Variants in ARID1B observed in about 807,000 individuals in gnomAD.
The protein encoded by ARID1B is AT-rich interactive domain-containing protein 1B.
Under a neutral mutation model 212.3 loss-of-function variants are expected in ARID1B, and 30 were observed. The ratio of observed to expected loss-of-function variants is 0.14; its 90% CI spans 0.11 to 0.19. The LOEUF is 0.19. ARID1B is among the 10% of genes least tolerant of loss of function. The probability of loss-of-function intolerance (pLI) is 1.00; values close to 1 mark genes in which losing one functional copy is unlikely to be tolerated. For missense variants in ARID1B, 2,891 were observed against 3,204.0 expected (o/e 0.90, Z 2.36); for synonymous variants, 1,402 against 1,301.7 (o/e 1.08, Z -1.66).
intron 4 of ARID1B, among the ~76,000 whole-genome samples, chr6:157,016,732 G>C (rs952208131): frequency 1.3e-5 from 2 of 152,170 alleles, no homozygotes; most frequent in Non-Finnish European, 2.9e-5. Flanking sequence ...ACCCAAACTG[G>C]AATACTTGGG....
chr6:156,991,797 A>C (rs1019709012), intron 4 of ARID1B, among the ~76,000 whole-genome samples: 4 of 152,208 alleles, frequency 2.6e-5, no homozygotes, highest in African/African-American at 9.6e-5. Flanking sequence ...TCAGTATTTC[A>C]AAAGTTCTAT....
At chr6:157,098,433 G>T (rs992490112) in intron 5 of ARID1B, among the ~76,000 whole-genome samples, 1 of 152,166 alleles carries the variant, frequency 6.6e-6, no homozygotes, top group African/African-American at 2.4e-5. Context: ...TTTTCACGTG[G>T]CCCAGTAGAC....
At chr6:157,121,629 C>CTTTTTT (rs1389687982) in intron 6 of ARID1B, among the ~76,000 whole-genome samples, 24 of 112,926 alleles carry the variant, frequency 2.1e-4, no homozygotes, top group African/African-American at 2.9e-4. Flanking sequence ...TCATATATAG[C>CTTTTTT]TTTTTTTTTT....
In ARID1B at chr6:156,981,108, C is replaced by T. The variant is rs369694298; in HGVS notation, c.2247+45532C>T. Among the ~76,000 whole-genome samples the T allele has an allele frequency of 1.2e-4, 18 of 152,322 alleles. No homozygotes were observed. In the East Asian group the frequency reaches 3.5e-3, roughly 29 times the overall value. On this transcript the variant is annotated intron_variant, in intron 4 of 19. Transcript: ENST00000636930. ...TCTTGAGACTTGTAGCCACTGTCCTCCCTTGTCTACTTCTGAGGGTGAGCA... is the reference window on the plus strand; with the variant it reads ...TCTTGAGACTTGTAGCCACTGTCCTTCCTTGTCTACTTCTGAGGGTGAGCA...
chr6:156,828,062 C>CTTTT (rs538099082), intron 1 of ARID1B, among the ~76,000 whole-genome samples: 7 of 123,776 alleles, frequency 5.7e-5, no homozygotes, highest in Non-Finnish European at 8.3e-5. Flanking sequence ...TGCCCGGCCT[C>CTTTT]TTTTTTTTTT....
chr6:157,067,662 T>C (rs1783754508), intron 4 of ARID1B, among the ~76,000 whole-genome samples: 1 of 152,242 alleles, frequency 6.6e-6, no homozygotes, highest in South Asian at 2.1e-4. Context: ...TTGTCTGCTT[T>C]CCTTGCATTT....
intron 8 of ARID1B, among the ~76,000 whole-genome samples, chr6:157,159,331 T>C (rs535365989): frequency 6.6e-6 from 1 of 152,320 alleles, no homozygotes; most frequent in African/African-American, 2.4e-5. Flanking sequence ...GACAACACCA[T>C]GTTTGCATTT....
At chr6:157,128,365 A>C (rs890343177) in intron 6 of ARID1B, among the ~76,000 whole-genome samples, 2 of 151,966 alleles carry the variant, frequency 1.3e-5, no homozygotes, top group Admixed American at 6.6e-5. Flanking sequence ...TCCTTTCTTC[A>C]TGATGCTTAT....
At chr6:156,819,041 A>G (rs1333689811) in intron 1 of ARID1B, among the ~76,000 whole-genome samples, 1 of 152,202 alleles carries the variant, frequency 6.6e-6, no homozygotes, top group Admixed American at 6.5e-5. Flanking sequence ...TTGTGTACAG[A>G]TCCATTAACT....
chr6:156,988,497 C>T (rs1238506255), intron 4 of ARID1B, among the ~76,000 whole-genome samples: 2 of 152,108 alleles, frequency 1.3e-5, no homozygotes, highest in Admixed American at 6.5e-5. Flanking sequence ...TTCTCCTGGC[C>T]ACTCCTTCCA....
At chr6:157,130,377 G>A (rs1788466992) in intron 6 of ARID1B, among the ~76,000 whole-genome samples, 1 of 152,114 alleles carries the variant, frequency 6.6e-6, no homozygotes, top group South Asian at 2.1e-4. Flanking sequence ...TTATTAAACA[G>A]GACTCTATCT....
chr6:157,024,355 T>A (rs1338872706), intron 4 of ARID1B: 2 of 152,276 alleles, frequency 1.3e-5, no homozygotes, highest in Non-Finnish European at 1.5e-5. Context: ...GAAACCTCAT[T>A]TTTGTTTAAA....
intron 7 of ARID1B, among the ~76,000 whole-genome samples, chr6:157,136,498 A>G (rs1788917152): frequency 6.6e-6 from 1 of 152,202 alleles, no homozygotes; most frequent in Non-Finnish European, 1.5e-5. Flanking sequence ...GTAAGCCACT[A>G]GGGATATAAA....
chr6:157,159,436 G>A (rs150147490), intron 8 of ARID1B, among the ~76,000 whole-genome samples: 14 of 152,310 alleles, frequency 9.2e-5, no homozygotes, highest in African/African-American at 2.9e-4. Flanking sequence ...AGATCAGTGA[G>A]CTGCTTTAGG....
At chr6:157,163,615 C>T (rs1024681400) in intron 8 of ARID1B, among the ~76,000 whole-genome samples, 4 of 152,206 alleles carry the variant, frequency 2.6e-5, no homozygotes, top group Non-Finnish European at 5.9e-5. Context: ...TGGGAGGACT[C>T]ACTTCCTGCC....
chr6:157,166,063 T>A (rs1276893186), intron 8 of ARID1B: 1 of 152,166 alleles, frequency 6.6e-6, no homozygotes, highest in Non-Finnish European at 1.5e-5. Flanking sequence ...TTGAAAAATT[T>A]TTTAAAGGTA....
chr6:156,962,784 ATTTC>A (rs1228205429), intron 4 of ARID1B, among the ~76,000 whole-genome samples: 4 of 145,100 alleles, frequency 2.8e-5, no homozygotes, highest in Non-Finnish European at 6.0e-5. Context: ...CACCTGGCCG[ATTTC>A]TTTCTTTCTT....
At chr6:156,897,016 C>T (rs1045389918) in intron 2 of ARID1B, among the ~76,000 whole-genome samples, 3 of 152,074 alleles carry the variant, frequency 2.0e-5, no homozygotes, top group Non-Finnish European at 2.9e-5. Context: ...GCATATTTAA[C>T]GTGATACAGA....
intron 4 of ARID1B, among the ~76,000 whole-genome samples, chr6:156,975,743 AT>A (rs1269510566): frequency 6.7e-6 from 1 of 148,654 alleles, no homozygotes; most frequent in African/African-American, 2.5e-5. Flanking sequence ...TCCTTTTAAG[AT>A]TTTTCTCCTC....
Sources: gnomAD v4.1 joint callset for allele counts (sites outside exome capture counted in the v4.1 genomes callset) on GRCh38, gnomAD v4.1.1 for gene constraint, MANE v1.5 for transcripts, NCBI Gene and HGNC (gene_info 2026-07-23, HGNC 2026-07-21) for gene names.